The following KCNT2 variants were observed in gnomAD, a reference collection of about 807,000 sequenced individuals.
KCNT2 encodes potassium sodium-activated channel subfamily T member 2, also known as potassium channel subfamily T member 2.
KCNT2 carries 67 observed loss-of-function variants against 153.8 expected under a neutral mutation model. The observed-to-expected ratio is 0.44, with a 90% CI of 0.36 to 0.53. The LOEUF (loss-of-function observed/expected upper bound fraction) is 0.53. KCNT2 is among the 20% of genes least tolerant of loss of function. The probability of loss-of-function intolerance (pLI) is 0.00; values close to 1 mark genes in which losing one functional copy is unlikely to be tolerated. For missense variants in KCNT2, 975 were observed against 1,354.8 expected, an observed-to-expected ratio of 0.72 and a Z score of 4.40; for synonymous variants, 500 against 458.8, an observed-to-expected ratio of 1.09 and a Z score of -1.15.
At chr1:196,278,818 C>T (rs1658820742) in intron 25 of KCNT2, among the ~76,000 whole-genome samples, 1 of 152,084 alleles carries the variant, frequency 6.6e-6, no homozygotes, top group Non-Finnish European at 1.5e-5. Context: ...GATTTGTATA[C>T]ACTAAATATT....
At chr1:196,410,464 G>T (rs923146691) in intron 12 of KCNT2, among the ~76,000 whole-genome samples, 1 of 151,206 alleles carries the variant, frequency 6.6e-6, no homozygotes, top group African/African-American at 2.4e-5. Flanking sequence ...TATACCTAAT[G>T]TTAAATGACA....
At chr1:196,257,473 T>C in intron 26 of KCNT2, 1 of 977,896 alleles carries the variant, frequency 1.0e-6, no homozygotes, top group Non-Finnish European at 1.2e-6. Context: ...CATATTTATA[T>C]ACGTAAAATA....
chr1:196,355,631 A>G (rs1667112502), intron 14 of KCNT2, among the ~76,000 whole-genome samples: 1 of 151,714 alleles, frequency 6.6e-6, no homozygotes. Flanking sequence ...TTCTCCTTCA[A>G]TAACTCTCAA....
intron 13 of KCNT2, among the ~76,000 whole-genome samples, chr1:196,397,789 A>G (rs1049145769): frequency 2.6e-5 from 4 of 151,524 alleles, no homozygotes; most frequent in Non-Finnish European, 5.9e-5. Flanking sequence ...TGAAGGAAAT[A>G]CGTTTTGCTG....
intron 8 of KCNT2, among the ~76,000 whole-genome samples, chr1:196,444,340 A>G (rs1183172378): frequency 6.6e-6 from 1 of 151,544 alleles, no homozygotes; most frequent in East Asian, 2.0e-4. Context: ...ACAATAATAC[A>G]AAAGGTCAAT....
chr1:196,391,786 A>G (rs1670517353), intron 13 of KCNT2, among the ~76,000 whole-genome samples: 1 of 151,360 alleles, frequency 6.6e-6, no homozygotes, highest in Non-Finnish European at 1.5e-5. Context: ...TAACATTAGG[A>G]GAAGCTGTGG....
rs1005972465 is a variant in KCNT2 at position 196,365,804 on chromosome 1, C to T, written c.1403+7336G>A. On this transcript the variant is annotated intron_variant, in intron 14 of 27. Coordinates refer to ENST00000294725, the MANE Select transcript of KCNT2 (RefSeq NM_198503.5). ...CTGTTTTGTCTTCTCCTGTCTCTCT[C>T]AAACTGCCAATTTTGACACCAAATT... 7.2e-5 allele frequency among the ~76,000 whole-genome samples: 11 copies of T among 152,302 alleles called. No homozygotes were observed. The East Asian group carries it at 9.7e-4, about 13-fold the overall frequency.
At chr1:196,528,250 G>A (rs1026497947) in intron 1 of KCNT2, among the ~76,000 whole-genome samples, 3 of 152,162 alleles carry the variant, frequency 2.0e-5, no homozygotes, top group Admixed American at 6.5e-5. Context: ...ATCAGATGTA[G>A]AATTATTGTG....
chr1:196,559,613 T>C (rs1558077386), intron 1 of KCNT2, among the ~76,000 whole-genome samples: 1 of 151,802 alleles, frequency 6.6e-6, no homozygotes. Flanking sequence ...TTTAGCAAAG[T>C]AAGAAAGTTT....
At chr1:196,445,162 T>C (rs968393688) in intron 8 of KCNT2, among the ~76,000 whole-genome samples, 4 of 151,398 alleles carry the variant, frequency 2.6e-5, no homozygotes, top group Non-Finnish European at 5.9e-5. Flanking sequence ...GTTCACAGAT[T>C]TGATAAAAAT....
chr1:196,600,250 C>T (rs1225409821), intron 1 of KCNT2, among the ~76,000 whole-genome samples: 1 of 152,176 alleles, frequency 6.6e-6, no homozygotes, highest in East Asian at 1.9e-4. Context: ...TACGTGATCA[C>T]TCTTCTACAT....
chr1:196,552,104 C>G lies in KCNT2; in HGVS notation c.95+56111G>C, dbSNP rs533714758. On this transcript the variant is annotated intron_variant, in intron 1 of 27. Transcript: ENST00000294725. ...TTCTTTCAAGTCATCACATAGTTAC[C>G]TACAAAATTCCAACCCCTTTTCTTG... Among the ~76,000 whole-genome samples, 6 of 151,338 alleles carry G rather than the reference C, an allele frequency of 4.0e-5. 1 individual carries two copies. In the South Asian group the frequency reaches 1.2e-3, roughly 31 times the overall value.
chr1:196,440,701 AT>A (rs767110782), intron 8 of KCNT2, among the ~76,000 whole-genome samples: 178 of 150,760 alleles, frequency 1.2e-3, no homozygotes, highest in African/African-American at 4.1e-3. Flanking sequence ...GTCAGTTCCT[AT>A]TTTTTTTTGT....
At chr1:196,556,051 A>G (rs1396579757) in intron 1 of KCNT2, among the ~76,000 whole-genome samples, 2 of 151,474 alleles carry the variant, frequency 1.3e-5, no homozygotes, top group African/African-American at 2.4e-5. Context: ...TGAAACTACT[A>G]CAAGAAAACA....
At chr1:196,400,952 T>A (rs1572320150) in intron 12 of KCNT2, among the ~76,000 whole-genome samples, 1 of 151,934 alleles carries the variant, frequency 6.6e-6, no homozygotes, top group East Asian at 2.0e-4. Flanking sequence ...CAGCACAAGT[T>A]GGCTAAGACT....
intron 12 of KCNT2, among the ~76,000 whole-genome samples, chr1:196,405,930 G>A (rs16839884): frequency 0.058 from 8,731 of 151,504 alleles, 387 homozygotes; most frequent in Non-Finnish European, 0.085. Flanking sequence ...AAGAGTAAAA[G>A]AAGTCTTATG....
intron 1 of KCNT2, among the ~76,000 whole-genome samples, chr1:196,579,197 A>G (rs1312327055): frequency 1.3e-5 from 2 of 152,258 alleles, no homozygotes; most frequent in South Asian, 2.1e-4. Context: ...TTTTGTATAC[A>G]CTATGCTTAG....
intron 27 of KCNT2, among the ~76,000 whole-genome samples, chr1:196,229,086 T>C (rs549237950): frequency 7.6e-4 from 115 of 152,244 alleles, no homozygotes; most frequent in Admixed American, 2.6e-3. Context: ...TGTCTTACTT[T>C]AGACTGTCAA....
chr1:196,390,887 A>ATTTTTTT (rs1243956099), intron 13 of KCNT2, among the ~76,000 whole-genome samples: 5 of 111,748 alleles, frequency 4.5e-5, no homozygotes, highest in Admixed American at 9.3e-5. Context: ...GATCTCATTC[A>ATTTTTTT]TTCTTTTTTT....
Sources: allele counts gnomAD v4.1 joint callset (sites outside exome capture counted in the v4.1 genomes callset), GRCh38; gene constraint gnomAD v4.1.1; transcripts MANE v1.5; gene names NCBI Gene and HGNC (gene_info 2026-07-23, HGNC 2026-07-21).